ZBTB3: variants seen among roughly 807,000 people sequenced by gnomAD.
The protein encoded by ZBTB3 is zinc finger and BTB domain-containing protein 3.
A neutral mutation model predicts 30.6 loss-of-function variants in ZBTB3; 15 were observed. That is an observed-to-expected ratio of 0.49 (90% confidence interval 0.33 to 0.75). The LOEUF is 0.75. ZBTB3 is among the 30% of genes least tolerant of loss of function. The probability of loss-of-function intolerance (pLI) is 0.02; values close to 1 mark genes in which losing one functional copy is unlikely to be tolerated. For synonymous variants in ZBTB3, 258 were observed against 261.7 expected (o/e 0.99, Z 0.14); for missense variants, 599 against 652.1 (o/e 0.92, Z 0.89).
rs1473525220 is a variant in ZBTB3, at chr11:62,754,148, C to G, written c.-236G>C. 1 of 1,344,934 alleles carries G rather than the reference C, an allele frequency of 7.4e-7. No individual in the cohort carries two copies. The highest frequency in any genetic ancestry group is 1.2e-5 in the South Asian group (1 of 85,146). 83.3% of individuals were successfully genotyped at this position (1,344,934 alleles called of 1,614,324 possible). A position where few individuals can be genotyped will look rare whatever the true frequency, so the allele number is the denominator to read the frequency against. ...TACCTCACCCACCACCGAGCAGCCA[C>G]AGGGCGAGCTCCGCCCCTTCCCACC... On this transcript the variant is annotated 5_prime_UTR_variant, in exon 1 of 2. Coordinates refer to ENST00000394807, the MANE Select transcript of ZBTB3 (RefSeq NM_001370809.1).
chr11:62,753,791 C>T (rs1354439084), intron 1 of ZBTB3, 76 bp from the exon 2 acceptor site: 2 of 1,540,578 alleles, frequency 1.3e-6, no homozygotes, highest in Non-Finnish European at 1.7e-6. Context: ...TCACTTGCCA[C>T]TCCAAAACAA....
rs779914302 is a variant in ZBTB3, at chr11:62,753,971, C to T, written c.-59G>A. 15 of 1,613,922 alleles carry T rather than the reference C, an allele frequency of 9.3e-6. No homozygotes were observed. Among genetic ancestry groups the T allele is most frequent in the Non-Finnish European group, 9.3e-6 (11 of 1,179,998 alleles). On this transcript the variant is annotated 5_prime_UTR_variant, in exon 1 of 2. Transcript: ENST00000394807. ...CGCTTCCTTGATGCCCACCCGGTAGCGTCCAACGGCTCCACGAAGTAGAGA... is the reference window on the plus strand; with the variant it reads ...CGCTTCCTTGATGCCCACCCGGTAGTGTCCAACGGCTCCACGAAGTAGAGA...
Position 62,753,001 on chromosome 11 carries a change from G to A in ZBTB3, c.664C>T (p.Pro222Ser). ...PPVADVSLAS[P>S]SSSTETIPTN... ...GGAATGGTCTCAGTGGAGCTACTAGGGCTGGCAAGAGAGACATCAGCCACT... is the reference window on the plus strand; with the variant it reads ...GGAATGGTCTCAGTGGAGCTACTAGAGCTGGCAAGAGAGACATCAGCCACT... Residue 222 changes from proline (P) to serine (S), a missense_variant, in exon 2 of 2, where the codon CCT becomes TCT. Physicochemically the swap from Pro to Ser is moderately conservative, Grantham distance 74. Transcript: ENST00000394807. 1 of 1,614,124 alleles carries A rather than the reference G, an allele frequency of 6.2e-7. No homozygotes were observed. Among genetic ancestry groups the A allele is most frequent in the Non-Finnish European group, 8.5e-7 (1 of 1,180,004 alleles).
chr11:62,753,933 C>G, intron 1 of ZBTB3, 31 bp downstream of exon 1: 1 of 1,612,690 alleles, frequency 6.2e-7, no homozygotes, highest in South Asian at 1.1e-5. Flanking sequence ...AGTCCCGCCC[C>G]TTAGCCACCC....
In ZBTB3 at chr11:62,753,723, A is replaced by G; in HGVS notation, c.-51-8T>C. On this transcript the variant is annotated splice_region_variant and splice_polypyrimidine_tract_variant and intron_variant, in intron 1 of 1. Coordinates refer to ENST00000394807, the MANE Select transcript of ZBTB3 (RefSeq NM_001370809.1). The stretch of plus-strand genomic sequence containing the variant: ...GTCCCCACCAGTGGCTCCCTGAGAA[A>G]AAAGGGCAGTGAGTTAAGACAGGTA... 1 of 1,588,024 alleles carries G rather than the reference A, an allele frequency of 6.3e-7. No homozygotes were observed. The highest frequency in any genetic ancestry group is 8.5e-7 in the Non-Finnish European group (1 of 1,169,638).
At position 62,753,136 on chromosome 11, in the gene ZBTB3, G is replaced by A. The variant is rs745340741; in HGVS notation, c.529C>T (p.Pro177Ser). Residue 177 changes from proline (P) to serine (S), a missense_variant, in exon 2 of 2, where the codon CCC becomes TCC. Coordinates refer to ENST00000394807, the MANE Select transcript of ZBTB3 (RefSeq NM_001370809.1). ...GKGEWKGSAA[P>S]SPTVRPPDEP... Reference sequence around the variant, plus strand: ...TCTGGAGGACGGACAGTAGGTGAGGGAGCAGCAGAGCCTTTCCATTCCCCT... The same window carrying A: ...TCTGGAGGACGGACAGTAGGTGAGGAAGCAGCAGAGCCTTTCCATTCCCCT... 1.8e-5 allele frequency: 29 copies of A among 1,614,050 alleles called. No homozygotes were observed. Among genetic ancestry groups the A allele is most frequent in the Non-Finnish European group, 2.4e-5 (28 of 1,180,044 alleles).
In ZBTB3 at chr11:62,753,996, A is replaced by C; in HGVS notation, c.-84T>G. The stretch of plus-strand genomic sequence containing the variant: ...CGTCCAACGGCTCCACGAAGTAGAG[A>C]TCTTTTTCGCTCCCAGGCCTTGCCA... On this transcript the variant is annotated 5_prime_UTR_variant, in exon 1 of 2. Coordinates refer to ENST00000394807, the MANE Select transcript of ZBTB3 (RefSeq NM_001370809.1). 2 of 1,613,414 alleles carry C rather than the reference A, an allele frequency of 1.2e-6. No individual in the cohort carries two copies. Among genetic ancestry groups the C allele is most frequent in the East Asian group, 2.2e-5 (1 of 44,812 alleles).
Position 62,752,062 on chromosome 11 carries a change from G to T in ZBTB3, c.*28C>A. On this transcript the variant is annotated 3_prime_UTR_variant, in exon 2 of 2. Coordinates refer to ENST00000394807, the MANE Select transcript of ZBTB3 (RefSeq NM_001370809.1). ...CTGAGCTGCCATCTAAGGATGGTAA[G>T]AGCAGCCTAGCATCAGCTCATGCTC... 6.4e-7 allele frequency: 1 copy of T among 1,557,556 alleles called. No homozygotes were observed. The highest frequency in any genetic ancestry group is 1.2e-5 in the South Asian group (1 of 82,750).
chr11:62,753,696 A>G lies in ZBTB3; in HGVS notation c.-32T>C. Reference sequence around the variant, plus strand: ...CCACGAAGGAAAGGGGGCCCAAAAAAGGTCCCCACCAGTGGCTCCCTGAGA... The same window carrying G: ...CCACGAAGGAAAGGGGGCCCAAAAAGGGTCCCCACCAGTGGCTCCCTGAGA... On this transcript the variant is annotated 5_prime_UTR_variant, in exon 2 of 2. Transcript: ENST00000394807. 6.2e-7 allele frequency: 1 copy of G among 1,602,506 alleles called. No individual in the cohort carries two copies. Among genetic ancestry groups the G allele is most frequent in the Non-Finnish European group, 8.5e-7 (1 of 1,174,732 alleles).
chr11:62,753,699 T>TC lies in ZBTB3; in HGVS notation c.-36dup. The stretch of plus-strand genomic sequence containing the variant: ...CGAAGGAAAGGGGGCCCAAAAAAGG[T>TC]CCCCACCAGTGGCTCCCTGAGAAAA... On this transcript the variant is annotated 5_prime_UTR_variant, in exon 2 of 2. Coordinates refer to ENST00000394807, the MANE Select transcript of ZBTB3 (RefSeq NM_001370809.1). The TC allele has an allele frequency of 6.3e-7, 1 of 1,598,456 alleles. No homozygotes were observed. Among genetic ancestry groups the TC allele is most frequent in the East Asian group, 2.2e-5 (1 of 44,632 alleles).
In ZBTB3 at chr11:62,752,365, A is replaced by G; in HGVS notation, c.1300T>C (p.Ser434Pro). The G allele has an allele frequency of 6.2e-7, 1 of 1,614,156 alleles. No homozygotes were observed. The highest frequency in any genetic ancestry group is 8.5e-7 in the Non-Finnish European group (1 of 1,180,030). ...GTGGCATGTCGCCGTAGTGTGTAAGAGCATGAGAAGGTCTTCCCACATGTC... is the reference window on the plus strand; with the variant it reads ...GTGGCATGTCGCCGTAGTGTGTAAGGGCATGAGAAGGTCTTCCCACATGTC... ...CKTCGKTFSC[S>P]YTLRRHATVH... The change falls in exon 2 of 2, where the codon TCT becomes CCT. Residue 434 changes from serine to proline, a missense_variant. Transcript: ENST00000394807.
rs573704006 is a variant in ZBTB3 at position 62,751,969 on chromosome 11, G to A, written c.*121C>T. On this transcript the variant is annotated 3_prime_UTR_variant, in exon 2 of 2. Transcript: ENST00000394807. Reference sequence around the variant, plus strand: ...AAAGATTAAAAAAAAAAAAGGGTAGGAACTTTCAGCCTGGGCAGAGCCTTT... The same window carrying A: ...AAAGATTAAAAAAAAAAAAGGGTAGAAACTTTCAGCCTGGGCAGAGCCTTT... The A allele has an allele frequency of 2.1e-6, 2 of 944,470 alleles. No homozygotes were observed. Among genetic ancestry groups the A allele is most frequent in the Non-Finnish European group, 3.0e-6 (2 of 659,048 alleles). The allele number at this position is 944,470 out of a possible 1,614,324, so 58.5% of individuals were successfully genotyped here. A position where few individuals can be genotyped will look rare whatever the true frequency, so the allele number is the denominator to read the frequency against.
At chr11:62,753,750 C>T in intron 1 of ZBTB3, 35 bp from the exon 2 acceptor site, 1 of 1,565,538 alleles carries the variant, frequency 6.4e-7, no homozygotes, top group South Asian at 1.2e-5. Context: ...AGACAGGTAA[C>T]CTCCCCAGCA....
Position 62,752,257 on chromosome 11 carries a change from G to C in ZBTB3, c.1408C>G (p.Arg470Gly), listed in dbSNP as rs1306842958. Residue 470 changes from arginine to glycine, a missense_variant, in exon 2 of 2, where the codon CGC becomes GGC. Transcript: ENST00000394807. The part of the protein sequence containing the change: ...TQSGDLYRHI[R>G]KAHNEDLAKR... Reference sequence around the variant, plus strand: ...GCCAGGTCCTCATTGTGAGCCTTGCGGATGTGGCGGTAGAGGTCCCCTGAC... The same window carrying C: ...GCCAGGTCCTCATTGTGAGCCTTGCCGATGTGGCGGTAGAGGTCCCCTGAC... The C allele has an allele frequency of 3.1e-6, 5 of 1,614,078 alleles. No individual in the cohort carries two copies. Among genetic ancestry groups the C allele is most frequent in the Non-Finnish European group, 4.2e-6 (5 of 1,180,048 alleles).
chr11:62,752,659 C>G lies in ZBTB3; in HGVS notation c.1006G>C (p.Val336Leu). ...GGCTGGGAGGGCTGTGCCCCATACA[C>G]TGCTCCTCCAGATGGGAAAGCTCTC... Reference protein sequence around the residue: ...PERAFPSGGAVYGAQPSQPEA... With the variant: ...PERAFPSGGALYGAQPSQPEA... Residue 336 changes from valine to leucine, a missense_variant, in exon 2 of 2, where the codon GTG (valine) becomes CTG (leucine). By Grantham distance (32) the Val-to-Leu change is conservative (BLOSUM62 1). Transcript: ENST00000394807. 1 of 1,614,220 alleles carries G rather than the reference C, an allele frequency of 6.2e-7. No homozygotes were observed. The highest frequency in any genetic ancestry group is 8.5e-7 in the Non-Finnish European group (1 of 1,180,056).
chr11:62,753,079 T>C lies in ZBTB3; in HGVS notation c.586A>G (p.Thr196Ala). 1 of 1,614,166 alleles carries C rather than the reference T, an allele frequency of 6.2e-7. No homozygotes were observed. The highest frequency in any genetic ancestry group is 1.1e-5 in the South Asian group (1 of 91,076). The change falls in exon 2 of 2, where the codon ACA becomes GCA. Residue 196 changes from threonine to alanine, a missense_variant. Coordinates refer to ENST00000394807, the MANE Select transcript of ZBTB3 (RefSeq NM_001370809.1). The part of the protein sequence containing the change: ...EPPMSSGADT[T>A]QPGMEVDAPH... ...GCGTCAACCTCCATGCCAGGCTGTG[T>C]AGTGTCAGCCCCACTAGACATTGGT...
In ZBTB3 at chr11:62,752,360, G is replaced by C. The variant is rs774547248; in HGVS notation, c.1305C>G (p.Tyr435Ter). 6.2e-6 allele frequency: 10 copies of C among 1,614,062 alleles called. No individual in the cohort carries two copies. The highest frequency in any genetic ancestry group is 8.5e-6 in the Non-Finnish European group (10 of 1,180,044). ...GCACCGTGGCATGTCGCCGTAGTGT[G>C]TAAGAGCATGAGAAGGTCTTCCCAC... is the stretch of plus-strand genomic sequence containing the variant. Reference protein sequence around the residue: ...KTCGKTFSCSYTLRRHATVHT... With the variant: ...KTCGKTFSCS The change falls in exon 2 of 2, where the codon TAC becomes TAG. Residue 435 changes from tyrosine to a stop codon, truncating the protein, a stop_gained. Coordinates refer to ENST00000394807, the MANE Select transcript of ZBTB3 (RefSeq NM_001370809.1). LOFTEE classifies it high-confidence loss of function.
chr11:62,754,156 G>T lies in ZBTB3; in HGVS notation c.-244C>A. 1.6e-6 allele frequency: 2 copies of T among 1,238,636 alleles called. No homozygotes were observed. The highest frequency in any genetic ancestry group is 2.4e-6 in the Non-Finnish European group (2 of 845,024). The allele number at this position is 1,238,636 out of a possible 1,614,324, so 76.7% of individuals were successfully genotyped here. On this transcript the variant is annotated 5_prime_UTR_variant, in exon 1 of 2. Transcript: ENST00000394807. The stretch of plus-strand genomic sequence containing the variant: ...CCACCACCGAGCAGCCACAGGGCGA[G>T]CTCCGCCCCTTCCCACCTTCTCAGC...
chr11:62,753,621 C>A lies in ZBTB3; in HGVS notation c.44G>T (p.Arg15Leu). The A allele has an allele frequency of 6.2e-7, 1 of 1,613,840 alleles. No homozygotes were observed. The highest frequency in any genetic ancestry group is 8.5e-7 in the Non-Finnish European group (1 of 1,179,944). ...AAGGAAACCCTGGGACCGCTGCTCC[C>A]GGAGGCTCTGCAGCAGCTGCTGACT... ...EHSQQLLQSL[R>L]EQRSQGFLCD... The change falls in exon 2 of 2, where the codon CGG becomes CTG. Residue 15 changes from arginine to leucine, a missense_variant. Arg to Leu is a moderately radical substitution (Grantham distance 102). Coordinates refer to ENST00000394807, the MANE Select transcript of ZBTB3 (RefSeq NM_001370809.1).
Sources: allele counts gnomAD v4.1 joint callset, GRCh38; gene constraint gnomAD v4.1.1; transcripts MANE v1.5; gene names NCBI Gene and HGNC (gene_info 2026-07-23, HGNC 2026-07-21).